The following PPAT variants were observed in gnomAD, a reference collection of about 807,000 sequenced individuals.
PPAT encodes the protein phosphoribosyl pyrophosphate amidotransferase.
PPAT carries 20 observed loss-of-function variants against 60.2 expected under a neutral mutation model. The ratio of observed to expected loss-of-function variants is 0.33; its 90% CI spans 0.23 to 0.48. The LOEUF (loss-of-function observed/expected upper bound fraction) is 0.48. PPAT is among the 20% of genes least tolerant of loss of function. The pLI is 0.99. For missense variants in PPAT, 349 were observed against 629.6 expected (o/e 0.55, Z 4.77); for synonymous variants, 194 against 215.1 (o/e 0.90, Z 0.86).
In PPAT at chr4:56,402,115, C is replaced by A; in HGVS notation, c.728G>T (p.Gly243Val). The A allele has an allele frequency of 6.3e-7, 1 of 1,594,866 alleles. No individual in the cohort carries two copies. Among genetic ancestry groups the A allele is most frequent in the Non-Finnish European group, 8.6e-7 (1 of 1,165,784 alleles). ...SSESCSFLSI[G>V]ARYYREVLPG... is the part of the protein sequence containing the mutation. The stretch of plus-strand genomic sequence containing the variant: ...CAAACAAGGTAAAACTTACCTTGCA[C>A]CAATAGATAAGAAGCTACAAGATTC... The change falls in exon 6 of 11, where the codon GGT becomes GTT. Residue 243 changes from glycine (G) to valine (V), a missense_variant. By Grantham distance (109) the Gly-to-Val change is moderately radical. Around this residue, in one of 5 missense-constraint regions of PPAT, gnomAD observed 167 missense variants for 328.6 expected, o/e 0.51. Coordinates refer to ENST00000264220, the MANE Select transcript of PPAT (RefSeq NM_002703.5).
chr4:56,405,741 T>C (rs1274834124), intron 3 of PPAT, among the ~76,000 whole-genome samples: 5 of 152,264 alleles, frequency 3.3e-5, no homozygotes, highest in Non-Finnish European at 7.3e-5. Context: ...TTTTCCATCT[T>C]TTCACCAGAC....
rs1288238657 is a variant in PPAT, at chr4:56,394,236, T to C, written c.*1116A>G. Reference sequence around the variant, plus strand: ...GAAAAAAGTGATTATAAGATGATACTTGGACTTGGATTGTAAGTTGATACT... The same window carrying C: ...GAAAAAAGTGATTATAAGATGATACCTGGACTTGGATTGTAAGTTGATACT... On this transcript the variant is annotated 3_prime_UTR_variant, in exon 11 of 11. Transcript: ENST00000264220. 3 of 152,168 alleles carry C rather than the reference T, an allele frequency of 2.0e-5. No individual in the cohort carries two copies. Among genetic ancestry groups the C allele is most frequent in the African/African-American group, 7.2e-5 (3 of 41,424 alleles). The allele number at this position is 152,168 out of a possible 1,614,324, so 9.4% of individuals were successfully genotyped here. A position where few individuals can be genotyped will look rare whatever the true frequency, so the allele number is the denominator to read the frequency against.
At chr4:56,425,671 T>C (rs1717247021) in intron 1 of PPAT, among the ~76,000 whole-genome samples, 1 of 152,206 alleles carries the variant, frequency 6.6e-6, no homozygotes, top group African/African-American at 2.4e-5. Context: ...GAGGCTACTC[T>C]AGGTGGGTTC....
intron 1 of PPAT, chr4:56,410,591 A>T: frequency 1.0e-6 from 1 of 986,376 alleles, no homozygotes; most frequent in Non-Finnish European, 1.2e-6. Context: ...AGAAAAAAAT[A>T]TACGAAAACA....
Position 56,406,556 on chromosome 4 carries a change from T to C in PPAT, c.341A>G (p.His114Arg). 1.2e-6 allele frequency: 2 copies of C among 1,613,448 alleles called. No individual in the cohort carries two copies. Among genetic ancestry groups the C allele is most frequent in the Non-Finnish European group, 1.7e-6 (2 of 1,179,988 alleles). ...ATTATGTGCCACAGCTATCTTCCCA[T>C]GAAGTGTTTCAACAACGAAGGGCTG... ...NCQPFVVETLHGKIAVAHNGE... is the reference protein window; with the variant it reads ...NCQPFVVETLRGKIAVAHNGE... The change falls in exon 3 of 11, where the codon CAT (histidine) becomes CGT (arginine). Residue 114 changes from histidine (H) to arginine (R), a missense_variant. His to Arg is a conservative substitution (Grantham distance 29). Around this residue, in one of 5 missense-constraint regions of PPAT, gnomAD observed 115 missense variants for 174.5 expected, o/e 0.66. Coordinates refer to ENST00000264220, the MANE Select transcript of PPAT (RefSeq NM_002703.5).
intron 3 of PPAT, among the ~76,000 whole-genome samples, chr4:56,405,637 G>A (rs1716223910): frequency 6.6e-6 from 1 of 152,226 alleles, no homozygotes; most frequent in African/African-American, 2.4e-5. Flanking sequence ...TAGGTTCAGA[G>A]AGCTTCTGGA....
intron 1 of PPAT, among the ~76,000 whole-genome samples, chr4:56,430,442 GACC>G (rs1332437100): frequency 6.6e-6 from 1 of 152,062 alleles, no homozygotes; most frequent in African/African-American, 2.4e-5. Flanking sequence ...CGAGGGCAGG[GACC>G]ACATCTGCCC....
rs375080631 is a variant in PPAT, at chr4:56,435,482, C to A, written c.-5G>T. The A allele has an allele frequency of 3.7e-6, 6 of 1,613,236 alleles. No homozygotes were observed. The African/African-American group carries it at 8.0e-5, about 22-fold the overall frequency. On this transcript the variant is annotated 5_prime_UTR_variant, in exon 1 of 11. Transcript: ENST00000264220. ...CCCCAACTCCTCCAGCTCCATGTCG[C>A]CGCCGAAAGCACGTGGAAGGACCTG...
chr4:56,402,429 TA>T (rs1716135049), intron 5 of PPAT, among the ~76,000 whole-genome samples: 1 of 152,068 alleles, frequency 6.6e-6, no homozygotes, highest in African/African-American at 2.4e-5. Flanking sequence ...AAGAAACCAC[TA>T]AAATCATACT....
chr4:56,413,902 T>C (rs1236619114), intron 1 of PPAT, among the ~76,000 whole-genome samples: 6 of 152,092 alleles, frequency 3.9e-5, no homozygotes, highest in African/African-American at 7.2e-5. Flanking sequence ...TATCTCAAAA[T>C]AAATAAATTA....
At position 56,395,160 on chromosome 4, in the gene PPAT, T is replaced by C. The variant is rs1298036040; in HGVS notation, c.*192A>G. 2.8e-5 allele frequency: 15 copies of C among 528,222 alleles called. No homozygotes were observed. Among genetic ancestry groups the C allele is most frequent in the African/African-American group, 4.1e-5 (2 of 49,322 alleles). The allele number at this position is 528,222 out of a possible 1,614,324, so 32.7% of individuals were successfully genotyped here. ...AAGAACACCACATATTGTTGTATTA[T>C]ATGCAATTGGAAATGTTCAGTTATC... On this transcript the variant is annotated 3_prime_UTR_variant, in exon 11 of 11. Coordinates refer to ENST00000264220, the MANE Select transcript of PPAT (RefSeq NM_002703.5).
At chr4:56,398,444 A>G (rs1467625589) in intron 9 of PPAT, among the ~76,000 whole-genome samples, 1 of 152,210 alleles carries the variant, frequency 6.6e-6, no homozygotes, top group African/African-American at 2.4e-5. Flanking sequence ...AAGTAGAGAA[A>G]GCAATCAATA....
chr4:56,397,336 GA>G (rs1380634876), intron 9 of PPAT, among the ~76,000 whole-genome samples: 3 of 152,074 alleles, frequency 2.0e-5, no homozygotes, highest in Non-Finnish European at 4.4e-5. Flanking sequence ...AATAAATGAT[GA>G]AATTATGTTA....
intron 1 of PPAT, among the ~76,000 whole-genome samples, chr4:56,432,421 G>A (rs1237987190): frequency 6.6e-6 from 1 of 151,360 alleles, no homozygotes; most frequent in Non-Finnish European, 1.5e-5. Flanking sequence ...CCAGCTACTC[G>A]GGAGACAGGT....
intron 8 of PPAT, chr4:56,400,258 G>A (rs1716079655): frequency 6.6e-6 from 1 of 152,268 alleles, no homozygotes; most frequent in Non-Finnish European, 1.5e-5. Context: ...ATAAGGAATA[G>A]TAAATATATT....
intron 7 of PPAT, 118 bp from the exon 8 acceptor site, chr4:56,401,029 C>A: frequency 9.4e-7 from 1 of 1,065,694 alleles, no homozygotes; most frequent in Non-Finnish European, 1.3e-6. Context: ...GCAATATATA[C>A]AAAAATATGA....
Position 56,403,072 on chromosome 4 carries a change from C to T in PPAT, c.629G>A (p.Arg210His), listed in dbSNP as rs374359651. The T allele has an allele frequency of 2.9e-5, 46 of 1,610,644 alleles. No homozygotes were observed. The highest frequency in any genetic ancestry group is 2.0e-4 in the South Asian group (18 of 90,518). Residue 210 changes from arginine to histidine, a missense_variant, in exon 5 of 11, where the codon CGT becomes CAT. By Grantham distance (29) the Arg-to-His change is conservative. This residue lies in a region of PPAT where 63 missense variants were observed against 86.9 expected (regional missense o/e 0.73). Coordinates refer to ENST00000264220, the MANE Select transcript of PPAT (RefSeq NM_002703.5). ...ATTTATATCAGACACTGGAATAAGACGACCAATGCATAAGGGACGATTTCC... is the reference window on the plus strand; with the variant it reads ...ATTTATATCAGACACTGGAATAAGATGACCAATGCATAAGGGACGATTTCC... ...PYGNRPLCIGRLIPVSDINDK... is the reference protein window; with the variant it reads ...PYGNRPLCIGHLIPVSDINDK...
intron 1 of PPAT, chr4:56,410,487 T>C (rs542801701): frequency 6.1e-6 from 6 of 984,120 alleles, no homozygotes; most frequent in South Asian, 4.7e-5. Flanking sequence ...TGGCTGGAAA[T>C]AGTGAATCAT....
At chr4:56,415,655 CAAAA>C (rs1007978642) in intron 1 of PPAT, among the ~76,000 whole-genome samples, 1 of 151,832 alleles carries the variant, frequency 6.6e-6, no homozygotes, top group East Asian at 1.9e-4. Context: ...TCATACATGC[CAAAA>C]AAACAGCATT....
Sources: allele counts gnomAD v4.1 joint callset (sites outside exome capture counted in the v4.1 genomes callset), GRCh38; gene constraint gnomAD v4.1.1; regional missense constraint gnomAD v4.1.1; transcripts MANE v1.5; gene names NCBI Gene and HGNC (gene_info 2026-07-23, HGNC 2026-07-21).